UMOD: variants seen among roughly 807,000 people sequenced by gnomAD.
The protein encoded by UMOD is uromodulin, also known as Tamm-Horsfall urinary glycoprotein.
Under a neutral mutation model 66.0 loss-of-function variants are expected in UMOD, and 64 were observed. The observed-to-expected ratio is 0.97, with a 90% confidence interval of 0.79 to 1.19. The LOEUF (loss-of-function observed/expected upper bound fraction) is 1.19. Among genes scored for constraint, UMOD ranks in the 50% most tolerant of loss-of-function variants. UMOD has a pLI of 0.00. For missense variants in UMOD, 764 were observed against 850.9 expected (o/e 0.90, Z 1.27); for synonymous variants, 398 against 352.7 (o/e 1.13, Z -1.44).
chr16:20,340,980 C>T (rs2141647130), intron 7 of UMOD, 111 bp downstream of exon 7: 1 of 1,271,628 alleles, frequency 7.9e-7, no homozygotes, highest in South Asian at 1.3e-5. Context: ...GGCGACAGAG[C>T]AAGACTCTGT....
intron 6 of UMOD, among the ~76,000 whole-genome samples, chr16:20,342,958 C>T (rs7498751): frequency 0.45 from 68,554 of 151,396 alleles, 18,817 homozygotes; most frequent in Non-Finnish European, 0.64. Context: ...GGTGAAACCC[C>T]GTCTCTACTA....
chr16:20,337,924 G>A (rs2141636687), intron 7 of UMOD, among the ~76,000 whole-genome samples: 1 of 152,242 alleles, frequency 6.6e-6, no homozygotes, highest in East Asian at 1.9e-4. Context: ...ATACACAATT[G>A]CACCCAAACA....
intron 7 of UMOD, among the ~76,000 whole-genome samples, chr16:20,339,857 T>C (rs554545491): frequency 1.3e-5 from 2 of 152,316 alleles, no homozygotes; most frequent in East Asian, 3.9e-4. Flanking sequence ...CACAGCAAGC[T>C]TCCAAAATAT....
At chr16:20,334,080 G>T (rs149853771) in intron 10 of UMOD, among the ~76,000 whole-genome samples, 1 of 146,966 alleles carries the variant, frequency 6.8e-6, no homozygotes. Flanking sequence ...GAACCTCCTT[G>T]GATCCAGGTA....
chr16:20,334,250 C>A (rs1964755318), intron 10 of UMOD, among the ~76,000 whole-genome samples: 2 of 151,808 alleles, frequency 1.3e-5, no homozygotes, highest in African/African-American at 4.8e-5. Context: ...GTTGTGTTTG[C>A]CCCAGCACTA....
At position 20,348,217 on chromosome 16, in the gene UMOD, C is replaced by T. The variant is rs765734104; in HGVS notation, c.973+6G>A. 7 of 1,612,548 alleles carry T rather than the reference C, an allele frequency of 4.3e-6. No homozygotes were observed. In the Admixed American group the frequency reaches 1.2e-4, roughly 27 times the overall value. Reference sequence around the variant, plus strand: ...CAACAACCCGCTTCCTCCCCACTGGCCTCACCAGTGATGTTGAAGTCCTGT... The same window carrying T: ...CAACAACCCGCTTCCTCCCCACTGGTCTCACCAGTGATGTTGAAGTCCTGT... On this transcript the variant is annotated splice_donor_region_variant and intron_variant, in intron 4 of 10. Coordinates refer to ENST00000396138, the MANE Select transcript of UMOD (RefSeq NM_003361.4).
Position 20,348,976 on chromosome 16 carries a change from C to A in UMOD, c.325G>T (p.Val109Leu), listed in dbSNP as rs751919061. The A allele has an allele frequency of 5.1e-6, 8 of 1,574,082 alleles. No homozygotes were observed. Among genetic ancestry groups the A allele is most frequent in the Non-Finnish European group, 6.9e-6 (8 of 1,159,992 alleles). ...RLSPGLGCTD[V>L]DECAEPGLSH... ...AGCCCAGGCTCAGCGCACTCATCCACGTCTGTGCAGCCGAGACCGGGCGAC... is the reference window on the plus strand; with the variant it reads ...AGCCCAGGCTCAGCGCACTCATCCAAGTCTGTGCAGCCGAGACCGGGCGAC... Residue 109 changes from valine to leucine, a missense_variant, in exon 3 of 11, where the codon GTG becomes TTG. Transcript: ENST00000396138.
chr16:20,352,470 A>G (rs1965946604), intron 1 of UMOD: 1 of 392,138 alleles, frequency 2.6e-6, no homozygotes, highest in African/African-American at 2.1e-5. Context: ...ACTAATATTC[A>G]TGGAATAAGT....
intron 4 of UMOD, among the ~76,000 whole-genome samples, chr16:20,347,991 AG>A (rs981701131): frequency 2.2e-4 from 34 of 152,314 alleles, no homozygotes; most frequent in Admixed American, 1.2e-3. Flanking sequence ...GGGTGCGAGG[AG>A]GTCCCCAAAT....
At chr16:20,350,917 A>G in intron 1 of UMOD, 78 bp from the exon 2 acceptor site, 2 of 1,411,586 alleles carry the variant, frequency 1.4e-6, no homozygotes, top group Non-Finnish European at 1.9e-6. Context: ...TTGATTGTAT[A>G]GTATACAACT....
intron 4 of UMOD, among the ~76,000 whole-genome samples, chr16:20,347,114 C>T (rs1336399735): frequency 1.3e-5 from 2 of 152,172 alleles, no homozygotes; most frequent in African/African-American, 4.8e-5. Context: ...CCTCCGCATC[C>T]TGGGTTCAAG....
At chr16:20,354,959 C>T (rs181428082), upstream of UMOD, among the ~76,000 whole-genome samples, 3 of 152,268 alleles carry the variant, frequency 2.0e-5, no homozygotes, top group East Asian at 5.8e-4. Flanking sequence ...GACCAGGTAC[C>T]AGACAACTAG....
At chr16:20,356,246 G>A (rs1416709126), upstream of UMOD, 1 of 152,298 alleles carries the variant, frequency 6.6e-6, no homozygotes, top group African/African-American at 2.4e-5. Context: ...GGACCTGGAG[G>A]TGGCACACCC....
Position 20,333,234 on chromosome 16 carries a change from G to T in UMOD, c.*80C>A. ...AGCATGAACTTTCTTTTCTGTGGCTGGAGCACTGGCCCGCATCATGCCCCC... is the reference window on the plus strand; with the variant it reads ...AGCATGAACTTTCTTTTCTGTGGCTTGAGCACTGGCCCGCATCATGCCCCC... On this transcript the variant is annotated 3_prime_UTR_variant, in exon 11 of 11. Transcript: ENST00000396138. 7.1e-7 allele frequency: 1 copy of T among 1,399,136 alleles called. No homozygotes were observed. The highest frequency in any genetic ancestry group is 1.0e-6 in the Non-Finnish European group (1 of 998,376). 86.7% of individuals were successfully genotyped at this position (1,399,136 alleles called of 1,614,324 possible).
chr16:20,335,809 C>G (rs527527086), intron 9 of UMOD, among the ~76,000 whole-genome samples: 45 of 152,174 alleles, frequency 3.0e-4, no homozygotes, highest in African/African-American at 1.0e-3. Flanking sequence ...GCCAGGCTCC[C>G]TCCTGCCACA....
chr16:20,353,898 C>T (rs907804324), upstream of UMOD, among the ~76,000 whole-genome samples: 5 of 152,050 alleles, frequency 3.3e-5, no homozygotes, highest in Non-Finnish European at 7.4e-5. Context: ...TAATGCTATC[C>T]CTCCCCGCTC....
intron 6 of UMOD, among the ~76,000 whole-genome samples, chr16:20,342,717 A>G (rs1003802225): frequency 1.3e-5 from 2 of 152,242 alleles, no homozygotes; most frequent in African/African-American, 4.8e-5. Context: ...CCACATCAGT[A>G]TAATGGGAAT....
chr16:20,339,056 C>T (rs1042018550), intron 7 of UMOD, among the ~76,000 whole-genome samples: 12 of 152,292 alleles, frequency 7.9e-5, no homozygotes, highest in Admixed American at 5.2e-4. Context: ...CCATCGTGCC[C>T]GTTATACTCA....
At position 20,344,121 on chromosome 16, in the gene UMOD, T is replaced by C. The variant is rs1346002684; in HGVS notation, c.1234A>G (p.Ile412Val). 6 of 1,611,808 alleles carry C rather than the reference T, an allele frequency of 3.7e-6. No homozygotes were observed. In the African/African-American group the frequency reaches 8.0e-5, roughly 22 times the overall value. ...YSNTLYLADE[I>V]IIRDLNIKIN... The stretch of plus-strand genomic sequence containing the variant: ...TTGATGTTGAGGTCACGGATGATGA[T>C]CTCATCTGCCAGGTAGAGGGTGTTG... Residue 412 changes from isoleucine to valine, a missense_variant, in exon 6 of 11, where the codon ATC (isoleucine) becomes GTC (valine). Physicochemically the swap from Ile to Val is conservative, Grantham distance 29. Coordinates refer to ENST00000396138, the MANE Select transcript of UMOD (RefSeq NM_003361.4).
Sources: gnomAD v4.1 joint callset for allele counts (sites outside exome capture counted in the v4.1 genomes callset) on GRCh38, gnomAD v4.1.1 for gene constraint, MANE v1.5 for transcripts, NCBI Gene and HGNC (gene_info 2026-07-23, HGNC 2026-07-21) for gene names.